MAMSTR: variants seen among roughly 807,000 people sequenced by gnomAD.
MAMSTR encodes MEF2-activating motif and SAP domain-containing transcriptional regulator.
In MAMSTR, 41 loss-of-function variants were observed where a neutral mutation model predicts 42.7. The ratio of observed to expected loss-of-function variants is 0.96; its 90% CI spans 0.75 to 1.25. The LOEUF (loss-of-function observed/expected upper bound fraction) is 1.25. MAMSTR is among the 50% of genes most tolerant of loss of function. The probability of loss-of-function intolerance (pLI) is 0.00; values close to 1 mark genes in which losing one functional copy is unlikely to be tolerated. For missense variants in MAMSTR, 567 were observed against 557.6 expected (o/e 1.02, Z -0.17); for synonymous variants, 265 against 244.1 (o/e 1.09, Z -0.80).
At chr19:48,709,391 G>A (rs1021886126), downstream of MAMSTR, among the ~76,000 whole-genome samples, 4 of 151,906 alleles carry the variant, frequency 2.6e-5, no homozygotes, top group Admixed American at 6.6e-5. Context: ...CAGGTGATCC[G>A]CCCGCCTCGG....
chr19:48,707,829 A>AGAAAGAAAG (rs2032666317), downstream of MAMSTR, among the ~76,000 whole-genome samples: 2 of 121,218 alleles, frequency 1.6e-5, no homozygotes, highest in African/African-American at 3.3e-5. Context: ...AGAAAGACAA[A>AGAAAGAAAG]GAAAGAAAGG....
downstream of MAMSTR, among the ~76,000 whole-genome samples, chr19:48,707,822 A>AAG (rs1167555672): frequency 1.4e-5 from 2 of 143,596 alleles, no homozygotes; most frequent in African/African-American, 5.3e-5. Context: ...GAAAGAAAGA[A>AAG]AGACAAAGAA....
chr19:48,712,269 C>G (rs2122259018), downstream of MAMSTR, among the ~76,000 whole-genome samples: 1 of 152,196 alleles, frequency 6.6e-6, no homozygotes, highest in African/African-American at 2.4e-5. Context: ...GGAAAGACTC[C>G]ACAACTTAAT....
Position 48,719,128 on chromosome 19 carries a change from A to G in MAMSTR, c.-21-76T>C. On this transcript the variant is annotated intron_variant, in intron 1 of 9. Coordinates refer to ENST00000318083, the MANE Select transcript of MAMSTR (RefSeq NM_001130915.2). The surrounding 1 kb of genome is among the most constrained non-coding windows in gnomAD (Gnocchi z 4.4). ...TGGAGGTCAGGAGGCCGCCCCTGAG[A>G]GTGAATTCAGCAGGGAAAGGGCCCG... 9.8e-7 allele frequency: 1 copy of G among 1,020,398 alleles called. No individual in the cohort carries two copies. The highest frequency in any genetic ancestry group is 1.4e-5 in the South Asian group (1 of 73,276). 63.2% of individuals were successfully genotyped at this position (1,020,398 alleles called of 1,614,324 possible).
At chr19:48,715,848 G>A in intron 3 of MAMSTR, 81 bp from the exon 4 acceptor site, 1 of 1,488,202 alleles carries the variant, frequency 6.7e-7, no homozygotes. Context: ...GGAAAGCGGG[G>A]CTCCAGGGTG....
At chr19:48,710,660 G>T (rs1271634866), downstream of MAMSTR, among the ~76,000 whole-genome samples, 1 of 147,056 alleles carries the variant, frequency 6.8e-6, no homozygotes, top group Non-Finnish European at 1.5e-5. Flanking sequence ...GCAGTGGCGC[G>T]ATCTTGGCTC....
intron 7 of MAMSTR, 62 bp downstream of exon 7, chr19:48,714,304 C>T: frequency 1.5e-6 from 2 of 1,308,854 alleles, no homozygotes; most frequent in Non-Finnish European, 2.0e-6. Flanking sequence ...TTTTTCGACA[C>T]CCCGCCCCGG....
At chr19:48,707,346 G>A in the MAMSTR span, among the ~76,000 whole-genome samples, 11 of 151,650 alleles carry the variant, frequency 7.3e-5, no homozygotes, top group Non-Finnish European at 1.0e-4. Context: ...AATCCGGGAG[G>A]TGGAGGTTGC....
intron 9 of MAMSTR, 41 bp from the exon 10 acceptor site, chr19:48,713,591 G>C (rs1226476887): frequency 3.1e-6 from 5 of 1,599,666 alleles, no homozygotes; most frequent in Non-Finnish European, 4.3e-6. Context: ...GAAAGTCAGG[G>C]GTCCGGGCGC....
At chr19:48,711,164 T>C (rs1304221344), downstream of MAMSTR, among the ~76,000 whole-genome samples, 1 of 152,206 alleles carries the variant, frequency 6.6e-6, no homozygotes, top group Non-Finnish European at 1.5e-5. Flanking sequence ...GGAAGAGAAA[T>C]TGTGCCAGTT....
In MAMSTR at chr19:48,716,091, C is replaced by T. The variant is rs187682503; in HGVS notation, c.98-324G>A. On this transcript the variant is annotated intron_variant, in intron 3 of 9. Coordinates refer to ENST00000318083, the MANE Select transcript of MAMSTR (RefSeq NM_001130915.2). Reference sequence around the variant, plus strand: ...GAGAGGGAGAGGCTGAAAGCTACATCCAGGCCGGCCGCGGTGGCTCACGCC... The same window carrying T: ...GAGAGGGAGAGGCTGAAAGCTACATTCAGGCCGGCCGCGGTGGCTCACGCC... Among the ~76,000 whole-genome samples the T allele has an allele frequency of 3.1e-3, 477 of 152,166 alleles. 1 individual carries two copies. The highest frequency in any genetic ancestry group is 0.011 in the African/African-American group (458 of 41,522).
the MAMSTR span, among the ~76,000 whole-genome samples, chr19:48,707,135 C>A: frequency 6.6e-6 from 1 of 151,778 alleles, no homozygotes; most frequent in South Asian, 2.1e-4. Flanking sequence ...CGAAAAGATA[C>A]AGGCCAGGCG....
intron 3 of MAMSTR, among the ~76,000 whole-genome samples, chr19:48,716,250 C>A (rs926320002): frequency 2.6e-5 from 4 of 151,762 alleles, no homozygotes; most frequent in African/African-American, 9.7e-5. Flanking sequence ...GTGGCACGTG[C>A]CTGTAATCTC....
Position 48,716,330 on chromosome 19 carries a change from T to C in MAMSTR, c.97+375A>G, listed in dbSNP as rs929573874. 6.8e-5 allele frequency among the ~76,000 whole-genome samples: 9 copies of C among 131,894 alleles called. No homozygotes were observed. In the Admixed American group the frequency reaches 8.3e-4, roughly 12 times the overall value. 86.5% of individuals were successfully genotyped at this position (131,894 alleles called of 152,430 possible). ...GGTAGAGGTTTCAGTGAGCTTAGATTGAGCCATGACACTCCAGCCTGGCGA... is the reference window on the plus strand; with the variant it reads ...GGTAGAGGTTTCAGTGAGCTTAGATCGAGCCATGACACTCCAGCCTGGCGA... On this transcript the variant is annotated intron_variant, in intron 3 of 9. Coordinates refer to ENST00000318083, the MANE Select transcript of MAMSTR (RefSeq NM_001130915.2).
At chr19:48,715,497 G>C (rs554227857) in intron 4 of MAMSTR, 51 bp from the exon 5 acceptor site, 1 of 1,464,212 alleles carries the variant, frequency 6.8e-7, no homozygotes, top group Non-Finnish European at 9.0e-7. Context: ...CCCACCTTCC[G>C]GCCCCAGGAC....
At position 48,714,005 on chromosome 19, in the gene MAMSTR, C is replaced by T; in HGVS notation, c.764G>A (p.Arg255His). The T allele has an allele frequency of 6.2e-7, 1 of 1,608,530 alleles. No homozygotes were observed. Among genetic ancestry groups the T allele is most frequent in the East Asian group, 2.2e-5 (1 of 44,852 alleles). ...AGCCGTCCCCGGGGTATCCGCGGCACGTGGAAGAGGTGGCCTGTGAGATGC... is the reference window on the plus strand; with the variant it reads ...AGCCGTCCCCGGGGTATCCGCGGCATGTGGAAGAGGTGGCCTGTGAGATGC... ...SAASHRPPLPRAADTPGTAPA... is the reference protein window; with the variant it reads ...SAASHRPPLPHAADTPGTAPA... The change falls in exon 8 of 10, where the codon CGT (arginine) becomes CAT (histidine). Residue 255 changes from arginine to histidine, a missense_variant. Physicochemically the swap from Arg to His is conservative, Grantham distance 29. Coordinates refer to ENST00000318083, the MANE Select transcript of MAMSTR (RefSeq NM_001130915.2).
intron 3 of MAMSTR, 49 bp from the exon 4 acceptor site, chr19:48,715,816 G>C (rs2032995715): frequency 6.6e-7 from 1 of 1,513,286 alleles, no homozygotes; most frequent in Non-Finnish European, 8.8e-7. Flanking sequence ...AGCAAGCCAG[G>C]CCGGGAGGAG....
chr19:48,710,596 ATT>A (rs35728097), downstream of MAMSTR, among the ~76,000 whole-genome samples: 1,516 of 115,294 alleles, frequency 0.013, 20 homozygotes, highest in African/African-American at 0.044. Flanking sequence ...CCTGAAACCT[ATT>A]TTTTTTTTTT....
rs35058019 is a variant in MAMSTR, at chr19:48,716,374, C to CAAAAA, written c.97+326_97+330dup. Among the ~76,000 whole-genome samples the CAAAAA allele has an allele frequency of 4.0e-3, 260 of 64,712 alleles. 12 individuals are homozygous for CAAAAA. The highest frequency in any genetic ancestry group is 9.5e-3 in the African/African-American group (155 of 16,310). The allele number at this position is 64,712 out of a possible 152,430, so 42.5% of individuals were successfully genotyped here. A position where few individuals can be genotyped will look rare whatever the true frequency, so the allele number is the denominator to read the frequency against. On this transcript the variant is annotated intron_variant, in intron 3 of 9. Transcript: ENST00000318083. ...CTGGCGACAGAGCAAGATTCCATCT[C>CAAAAA]AAAAAAAAAAAAAAAAAAAAAAGCT...
Sources: gnomAD v4.1 joint callset for allele counts (sites outside exome capture counted in the v4.1 genomes callset) on GRCh38, gnomAD v4.1.1 for gene constraint, Gnocchi (gnomAD v3.1) non-coding constraint, MANE v1.5 for transcripts, NCBI Gene and HGNC (gene_info 2026-07-23, HGNC 2026-07-21) for gene names.